RHOBTB1: variants seen among roughly 807,000 people sequenced by gnomAD.
RHOBTB1 encodes Rho related BTB domain containing 1.
RHOBTB1 carries 40 observed loss-of-function variants against 71.6 expected under a neutral mutation model. The observed-to-expected ratio is 0.56, with a 90% confidence interval of 0.43 to 0.73. RHOBTB1 has a LOEUF of 0.73. Among genes scored for constraint, RHOBTB1 ranks in the 30% least tolerant of loss-of-function variants. The pLI is 0.00. For missense variants in RHOBTB1, 797 were observed against 894.0 expected, an observed-to-expected ratio of 0.89 and a Z score of 1.38; for synonymous variants, 319 against 334.9, an observed-to-expected ratio of 0.95 and a Z score of 0.52.
At chr10:60,907,202 C>A (rs1029549590) in intron 4 of RHOBTB1, among the ~76,000 whole-genome samples, 1 of 152,180 alleles carries the variant, frequency 6.6e-6, no homozygotes, top group African/African-American at 2.4e-5. Context: ...TCAAATATGT[C>A]TTTATTACCA....
chr10:60,974,351 C>A (rs1249456467), intron 2 of RHOBTB1, among the ~76,000 whole-genome samples: 1 of 151,956 alleles, frequency 6.6e-6, no homozygotes, highest in Non-Finnish European at 1.5e-5. Flanking sequence ...ACATGAAAGA[C>A]AACTATCAAA....
downstream of RHOBTB1, chr10:60,869,424 C>T (rs1481018123): frequency 1.3e-5 from 2 of 152,532 alleles, no homozygotes; most frequent in Admixed American, 1.3e-4. Flanking sequence ...GTCCTTAAAA[C>T]AAAACTGGAG....
At chr10:60,872,157 G>T in intron 10 of RHOBTB1, 28 bp downstream of exon 10, 1 of 1,489,702 alleles carries the variant, frequency 6.7e-7, no homozygotes, top group Non-Finnish European at 9.4e-7. Context: ...AGGAGAGCTG[G>T]ATGAATGGGG....
At chr10:60,934,224 T>C (rs2084432482) in intron 2 of RHOBTB1, among the ~76,000 whole-genome samples, 1 of 152,220 alleles carries the variant, frequency 6.6e-6, no homozygotes, top group African/African-American at 2.4e-5. Context: ...AAGAACTTTA[T>C]GTGAACTGCC....
chr10:60,882,616 TG>T (rs1358261483), intron 7 of RHOBTB1, among the ~76,000 whole-genome samples: 1 of 140,898 alleles, frequency 7.1e-6, no homozygotes, highest in Admixed American at 7.2e-5. Context: ...TTTCATGGTG[TG>T]GGGGGTGGGA....
At chr10:60,985,520 T>A (rs1215393240) in intron 2 of RHOBTB1, among the ~76,000 whole-genome samples, 1 of 152,208 alleles carries the variant, frequency 6.6e-6, no homozygotes, top group African/African-American at 2.4e-5. Flanking sequence ...CATGTCAATT[T>A]CCTGTACAAA....
intron 2 of RHOBTB1, among the ~76,000 whole-genome samples, chr10:60,980,485 G>A (rs2086460871): frequency 6.6e-6 from 1 of 152,100 alleles, no homozygotes; most frequent in Non-Finnish European, 1.5e-5. Flanking sequence ...TGTCTATTAT[G>A]ACATTGAGAT....
intron 2 of RHOBTB1, among the ~76,000 whole-genome samples, chr10:60,978,052 A>ACTG (rs1281257340): frequency 6.6e-6 from 1 of 152,162 alleles, no homozygotes; most frequent in Admixed American, 6.6e-5. Flanking sequence ...AAATGTATAA[A>ACTG]ATTATTGCTA....
At chr10:60,890,564 C>T (rs1298391505) in intron 5 of RHOBTB1, among the ~76,000 whole-genome samples, 2 of 152,122 alleles carry the variant, frequency 1.3e-5, no homozygotes, top group East Asian at 1.9e-4. Flanking sequence ...TTCCAGAACA[C>T]AGGCAGGAAG....
At chr10:60,943,132 G>A (rs563305603) in intron 1 of RHOBTB1, among the ~76,000 whole-genome samples, 1 of 152,166 alleles carries the variant, frequency 6.6e-6, no homozygotes, top group Non-Finnish European at 1.5e-5. Context: ...CAGCTCCAAA[G>A]GCACAGCTTG....
chr10:60,929,741 G>A (rs1289484106), intron 2 of RHOBTB1, among the ~76,000 whole-genome samples: 1 of 152,058 alleles, frequency 6.6e-6, no homozygotes, highest in East Asian at 1.9e-4. Flanking sequence ...AACTTTTTAA[G>A]TATAAGGAGA....
At chr10:60,894,322 C>T (rs2893866) in intron 4 of RHOBTB1, among the ~76,000 whole-genome samples, 2,283 of 152,158 alleles carry the variant, frequency 0.015, 54 homozygotes, top group African/African-American at 0.052. Flanking sequence ...TAAAATATTT[C>T]CAAATTATAA....
chr10:60,879,304 T>C (rs947569000), intron 7 of RHOBTB1, among the ~76,000 whole-genome samples: 2 of 152,196 alleles, frequency 1.3e-5, no homozygotes, highest in African/African-American at 4.8e-5. Context: ...GTAAGAATTC[T>C]ACTTCAAAAG....
At chr10:60,970,588 A>G (rs1354960239) in intron 2 of RHOBTB1, among the ~76,000 whole-genome samples, 9 of 152,132 alleles carry the variant, frequency 5.9e-5, no homozygotes, top group Non-Finnish European at 1.3e-4. Context: ...TCACTATGAA[A>G]CTTTAGAATC....
Position 61,001,356 on chromosome 10 carries a change from G to C in RHOBTB1, c.-163+43C>G, listed in dbSNP as rs1320337065. 8 of 150,022 alleles carry C rather than the reference G, an allele frequency of 5.3e-5. No homozygotes were observed. The East Asian group carries it at 1.6e-3, about 30-fold the overall frequency. The allele number at this position is 150,022 out of a possible 1,614,324, so 9.3% of individuals were successfully genotyped here. The stretch of plus-strand genomic sequence containing the variant: ...CGCCCACCCTGGCGCGGCTCCTCCC[G>C]GGCGCGCTCCCGCCCCGCCACGCCC... On this transcript the variant is annotated intron_variant, in intron 1 of 11. Transcript: ENST00000357917.
At chr10:60,882,215 AAG>A (rs201027917) in intron 7 of RHOBTB1, among the ~76,000 whole-genome samples, 26 of 148,518 alleles carry the variant, frequency 1.8e-4, no homozygotes, top group Admixed American at 1.6e-3. Context: ...AAAAAAAAAA[AAG>A]AGTGATCAAA....
chr10:60,932,917 C>G (rs2084344146), intron 2 of RHOBTB1, among the ~76,000 whole-genome samples: 1 of 152,194 alleles, frequency 6.6e-6, no homozygotes, highest in Non-Finnish European at 1.5e-5. Flanking sequence ...AAAGATGTTA[C>G]CGAGTTAGCT....
At chr10:60,888,144 C>T (rs1334227865) in intron 6 of RHOBTB1, 68 bp downstream of exon 6, 6 of 1,520,604 alleles carry the variant, frequency 3.9e-6, no homozygotes, top group African/African-American at 2.8e-5. Flanking sequence ...TTCTCCTGCT[C>T]ATGTCTGGCT....
chr10:60,976,138 G>A (rs2086306424), intron 2 of RHOBTB1, among the ~76,000 whole-genome samples: 1 of 151,890 alleles, frequency 6.6e-6, no homozygotes, highest in Non-Finnish European at 1.5e-5. Context: ...AAAAGTCTTG[G>A]ACTAGGAAAA....
Sources: allele counts gnomAD v4.1 joint callset (sites outside exome capture counted in the v4.1 genomes callset), GRCh38; gene constraint gnomAD v4.1.1; transcripts MANE v1.5; gene names NCBI Gene and HGNC (gene_info 2026-07-23, HGNC 2026-07-21).